FRMPD4: variants seen among roughly 807,000 people sequenced by gnomAD.
The protein encoded by FRMPD4 is FERM and PDZ domain-containing protein 4.
Under a neutral mutation model 94.1 loss-of-function variants are expected in FRMPD4, and 22 were observed. The observed-to-expected ratio is 0.23, with a 90% CI of 0.17 to 0.33. FRMPD4 has a LOEUF of 0.33. Among genes scored for constraint, FRMPD4 ranks in the 10% least tolerant of loss-of-function variants. FRMPD4 has a pLI of 1.00. For synonymous variants in FRMPD4, 631 were observed against 548.6 expected (o/e 1.15, Z -2.10); for missense variants, 1,111 against 1,339.9 (o/e 0.83, Z 2.67).
intron 14 of FRMPD4, among the ~76,000 whole-genome samples, chrX:12,712,906 T>A (rs1426948509): frequency 1.8e-5 from 2 of 109,640 alleles, no homozygotes; most frequent in Non-Finnish European, 3.8e-5. Flanking sequence ...TGAGACACTG[T>A]ATCCACGAAA....
intron 3 of FRMPD4, among the ~76,000 whole-genome samples, chrX:12,025,049 A>AT (rs72137465): frequency 2.0e-4 from 22 of 108,642 alleles, no homozygotes; most frequent in Middle Eastern, 4.7e-3. Context: ...TTATTGTACA[A>AT]TTTTTTTTTC....
chrX:12,574,405 C>G (rs1437316229), intron 2 of FRMPD4, among the ~76,000 whole-genome samples: 2 of 112,352 alleles, frequency 1.8e-5, no homozygotes, highest in Non-Finnish European at 3.8e-5. Context: ...AAGTGCTATG[C>G]TAGAGAATGA....
At chrX:11,965,929 C>T (rs1431610602) in intron 3 of FRMPD4, among the ~76,000 whole-genome samples, 1 of 111,536 alleles carries the variant, frequency 9.0e-6, no homozygotes, top group East Asian at 2.8e-4. Flanking sequence ...AGTATTCCTA[C>T]ATTTATCACA....
At chrX:12,245,835 G>A (rs1461824261) in intron 1 of FRMPD4, among the ~76,000 whole-genome samples, 1 of 111,010 alleles carries the variant, frequency 9.0e-6, no homozygotes, top group Non-Finnish European at 1.9e-5. Flanking sequence ...CCACCATGGA[G>A]TGACTCAGCA....
chrX:12,388,818 G>GATATATATATATATATATAT (rs3068660), intron 1 of FRMPD4, among the ~76,000 whole-genome samples: 16 of 60,717 alleles, frequency 2.6e-4, no homozygotes, highest in African/African-American at 1.3e-3. Flanking sequence ...AAGAAAATGT[G>GATATATATATATATATATAT]ATATATATAT....
chrX:12,675,019 A>G, intron 5 of FRMPD4, 111 bp downstream of exon 5: 2 of 581,699 alleles, frequency 3.4e-6, no homozygotes, highest in South Asian at 2.5e-5. Context: ...AATAACATGC[A>G]CTCACAATAT....
chrX:12,011,816 CTG>C (rs1368305751), intron 3 of FRMPD4, among the ~76,000 whole-genome samples: 2 of 111,261 alleles, frequency 1.8e-5, no homozygotes, highest in Non-Finnish European at 3.8e-5. Flanking sequence ...GATACCATCT[CTG>C]TGCTTTCAGG....
At chrX:12,237,447 C>T (rs773495316) in intron 1 of FRMPD4, among the ~76,000 whole-genome samples, 6 of 112,062 alleles carry the variant, frequency 5.4e-5, no homozygotes, top group Middle Eastern at 4.6e-3. Context: ...CTTCCATATT[C>T]ACAGGGAGGA....
At chrX:11,946,575 T>G (rs1028166376) in intron 3 of FRMPD4, among the ~76,000 whole-genome samples, 2 of 111,737 alleles carry the variant, frequency 1.8e-5, no homozygotes, top group African/African-American at 6.5e-5. Context: ...TAATTTTATG[T>G]GTCAACTTGA....
chrX:12,045,452 T>G (rs892280695), intron 3 of FRMPD4, among the ~76,000 whole-genome samples: 24 of 111,295 alleles, frequency 2.2e-4, no homozygotes, highest in African/African-American at 7.8e-4. Flanking sequence ...GCATTAGCAA[T>G]AGGTAACCAT....
intron 1 of FRMPD4, among the ~76,000 whole-genome samples, chrX:12,209,652 C>T (rs188565242): frequency 8.9e-6 from 1 of 112,076 alleles, no homozygotes; most frequent in Non-Finnish European, 1.9e-5. Flanking sequence ...GTGGTTGGGT[C>T]CTGTGTGTCT....
At chrX:11,991,863 G>T (rs934008863) in intron 3 of FRMPD4, among the ~76,000 whole-genome samples, 1 of 112,069 alleles carries the variant, frequency 8.9e-6, no homozygotes, top group African/African-American at 3.2e-5. Context: ...TACCTTTGAC[G>T]TTGATAAAGC....
chrX:12,573,902 A>AT (rs1004296898), intron 2 of FRMPD4, among the ~76,000 whole-genome samples: 9 of 110,121 alleles, frequency 8.2e-5, no homozygotes, highest in South Asian at 7.6e-4. Context: ...GACATTAAAG[A>AT]TTTTTTTTTT....
At chrX:12,389,402 G>A (rs996874520) in intron 1 of FRMPD4, among the ~76,000 whole-genome samples, 1 of 108,435 alleles carries the variant, frequency 9.2e-6, no homozygotes, top group African/African-American at 3.4e-5. Context: ...TTGAACCTGG[G>A]AGGTGGAAAT....
chrX:12,258,547 G>A (rs2054146081), intron 1 of FRMPD4, among the ~76,000 whole-genome samples: 1 of 111,072 alleles, frequency 9.0e-6, no homozygotes, highest in Non-Finnish European at 1.9e-5. Flanking sequence ...CCAGTCTCAG[G>A]TATTCTGTTA....
chrX:12,275,694 G>A (rs754347943), intron 1 of FRMPD4, among the ~76,000 whole-genome samples: 158 of 109,877 alleles, frequency 1.4e-3, no homozygotes, highest in African/African-American at 5.2e-3. Context: ...GAAGTGAGAA[G>A]GGAGGATCCT....
chrX:12,415,250 G>A (rs765619073), intron 1 of FRMPD4, among the ~76,000 whole-genome samples: 26 of 111,830 alleles, frequency 2.3e-4, no homozygotes, highest in Non-Finnish European at 4.9e-4. Flanking sequence ...GAGGGTCTTC[G>A]TTGTAAGTAC....
intron 1 of FRMPD4, among the ~76,000 whole-genome samples, chrX:12,495,947 G>T: frequency 9.0e-6 from 1 of 111,089 alleles, no homozygotes. Flanking sequence ...CCACTGATTT[G>T]GGTGATGCCT....
In FRMPD4 at chrX:11,924,811, T is replaced by C. The variant is rs774359420; in HGVS notation, c.95+46793T>C. On this transcript the variant is annotated intron_variant, in intron 3 of 18. Coordinates refer to the FRMPD4 transcript ENST00000640291. ...TAGCCACTATAAAAACACACTGAAG[T>C]ACACAGACCAGTGACACCACAAAGC... 2.7e-5 allele frequency among the ~76,000 whole-genome samples: 3 copies of C among 111,729 alleles called. No individual in the cohort carries two copies. In the East Asian group the frequency reaches 8.4e-4, roughly 31 times the overall value.
Sources: gnomAD v4.1 joint callset for allele counts (sites outside exome capture counted in the v4.1 genomes callset) on GRCh38, gnomAD v4.1.1 for gene constraint, MANE v1.5 for transcripts, NCBI Gene and HGNC (gene_info 2026-07-23, HGNC 2026-07-21) for gene names.